The following KCNK13 variants were observed in gnomAD, a reference collection of about 807,000 sequenced individuals.
The protein encoded by KCNK13 is potassium channel subfamily K member 13.
In KCNK13, 12 loss-of-function variants were observed where a neutral mutation model predicts 23.4. The ratio of observed to expected loss-of-function variants is 0.51; its 90% CI spans 0.33 to 0.83. The LOEUF is 0.83. Ranked by LOEUF, KCNK13 falls within the 40% of genes least tolerant of loss-of-function variation. The pLI is 0.02. For missense variants in KCNK13, 463 were observed against 556.3 expected, an observed-to-expected ratio of 0.83 and a Z score of 1.69; for synonymous variants, 231 against 229.5, an observed-to-expected ratio of 1.01 and a Z score of -0.06.
At chr14:90,068,670 G>A (rs1200880700) in intron 1 of KCNK13, among the ~76,000 whole-genome samples, 1 of 152,190 alleles carries the variant, frequency 6.6e-6, no homozygotes, top group Non-Finnish European at 1.5e-5. Context: ...CAAAGTCTGT[G>A]CTTTAATAAG....
chr14:90,154,915 A>G (rs1221442307), intron 1 of KCNK13, among the ~76,000 whole-genome samples: 1 of 152,246 alleles, frequency 6.6e-6, no homozygotes, highest in Non-Finnish European at 1.5e-5. Context: ...GTATGTACAA[A>G]TGAAAATAAT....
intron 1 of KCNK13, among the ~76,000 whole-genome samples, chr14:90,083,102 T>A (rs1239410953): frequency 1.3e-5 from 2 of 152,248 alleles, no homozygotes; most frequent in African/African-American, 4.8e-5. Flanking sequence ...CATCTTTTAA[T>A]TGGGTTATTT....
chr14:90,093,410 C>G (rs1889372438), intron 1 of KCNK13, among the ~76,000 whole-genome samples: 1 of 152,172 alleles, frequency 6.6e-6, no homozygotes, highest in South Asian at 2.1e-4. Context: ...AGTCCCATTT[C>G]CACTTGATTT....
At chr14:90,140,035 G>A (rs1346885750) in intron 1 of KCNK13, among the ~76,000 whole-genome samples, 1 of 152,142 alleles carries the variant, frequency 6.6e-6, no homozygotes, top group Non-Finnish European at 1.5e-5. Flanking sequence ...TTCGACTGTG[G>A]GGTGACTGTG....
intron 1 of KCNK13, among the ~76,000 whole-genome samples, chr14:90,100,356 A>G (rs1889460553): frequency 6.6e-6 from 1 of 152,172 alleles, no homozygotes; most frequent in South Asian, 2.1e-4. Flanking sequence ...TGCTGGCCCT[A>G]ATGACATCTA....
intron 1 of KCNK13, among the ~76,000 whole-genome samples, chr14:90,094,830 G>A (rs1357460417): frequency 1.3e-5 from 2 of 151,862 alleles, no homozygotes; most frequent in Non-Finnish European, 2.9e-5. Flanking sequence ...TGTATTATTA[G>A]TAGAGACGGG....
At chr14:90,183,494 C>T (rs1890510850) in intron 1 of KCNK13, among the ~76,000 whole-genome samples, 1 of 152,158 alleles carries the variant, frequency 6.6e-6, no homozygotes, top group African/African-American at 2.4e-5. Flanking sequence ...CTTTTCTAAG[C>T]CCCACTTCTT....
intron 1 of KCNK13, among the ~76,000 whole-genome samples, chr14:90,114,382 C>T (rs1286546456): frequency 6.6e-6 from 1 of 152,200 alleles, no homozygotes; most frequent in Non-Finnish European, 1.5e-5. Context: ...TTAACAACTA[C>T]TGACATCTCG....
chr14:90,158,368 T>C (rs1424413922), intron 1 of KCNK13, among the ~76,000 whole-genome samples: 3 of 152,236 alleles, frequency 2.0e-5, no homozygotes, highest in Admixed American at 2.0e-4. Flanking sequence ...ATTATTCGTT[T>C]ATTATCTGTC....
chr14:90,129,003 T>C (rs1035705782), intron 1 of KCNK13, among the ~76,000 whole-genome samples: 3 of 152,152 alleles, frequency 2.0e-5, no homozygotes, highest in Non-Finnish European at 4.4e-5. Context: ...ATTATCATTC[T>C]TTTGTTTTTT....
chr14:90,185,596 G>A lies in KCNK13; in HGVS notation c.*593G>A, dbSNP rs1160545765. ...TTCTTTTTATTTTTAAGGCCTTAAT[G>A]CCTGGCTGTGGCGTCTGTGAGACCT... On this transcript the variant is annotated 3_prime_UTR_variant, in exon 2 of 2. Transcript: ENST00000282146. 1 of 152,120 alleles carries A rather than the reference G, an allele frequency of 6.6e-6. No homozygotes were observed. Among genetic ancestry groups the A allele is most frequent in the Non-Finnish European group, 1.5e-5 (1 of 68,072 alleles). The allele number at this position is 152,120 out of a possible 1,614,324, so 9.4% of individuals were successfully genotyped here.
chr14:90,093,465 C>G (rs1889372861), intron 1 of KCNK13, among the ~76,000 whole-genome samples: 1 of 152,168 alleles, frequency 6.6e-6, no homozygotes, highest in Non-Finnish European at 1.5e-5. Context: ...GTTACTATTG[C>G]CCTGATTTCT....
intron 1 of KCNK13, among the ~76,000 whole-genome samples, chr14:90,128,748 G>A (rs967479419): frequency 5.3e-5 from 8 of 151,992 alleles, no homozygotes; most frequent in East Asian, 1.9e-4. Context: ...AGCATTCTCC[G>A]AATTGAGCAA....
chr14:90,066,785 T>A (rs1889014698), intron 1 of KCNK13, among the ~76,000 whole-genome samples: 1 of 152,186 alleles, frequency 6.6e-6, no homozygotes, highest in South Asian at 2.1e-4. Flanking sequence ...AACTACTTTA[T>A]GACCCAGCAA....
intron 1 of KCNK13, among the ~76,000 whole-genome samples, chr14:90,080,936 G>C (rs1390229376): frequency 6.6e-6 from 1 of 152,198 alleles, no homozygotes; most frequent in African/African-American, 2.4e-5. Flanking sequence ...CACCACCCCT[G>C]ACAGTGTGCC....
chr14:90,094,711 G>A (rs184295024), intron 1 of KCNK13, among the ~76,000 whole-genome samples: 4 of 141,666 alleles, frequency 2.8e-5, no homozygotes, highest in Non-Finnish European at 6.0e-5. Context: ...GCAGTGGCGC[G>A]ATCTCGGCTC....
Position 90,144,240 on chromosome 14 carries a change from G to T in KCNK13, c.335-39871G>T, listed in dbSNP as rs1030482750. On this transcript the variant is annotated intron_variant, in intron 1 of 1. Coordinates refer to ENST00000282146, the MANE Select transcript of KCNK13 (RefSeq NM_022054.4). ...TTTAAGTTTCTCTCAGTAATGTTTT[G>T]TAGTTTTCAGTGTACTGGTCTTGTA... is the stretch of plus-strand genomic sequence containing the variant. Among the ~76,000 whole-genome samples, 4 of 152,156 alleles carry T rather than the reference G, an allele frequency of 2.6e-5. No individual in the cohort carries two copies. In the South Asian group the frequency reaches 8.3e-4, roughly 32 times the overall value.
chr14:90,106,314 C>T (rs1490080737), intron 1 of KCNK13, among the ~76,000 whole-genome samples: 12 of 152,172 alleles, frequency 7.9e-5, no homozygotes, highest in Non-Finnish European at 2.9e-5. Context: ...GTGGCTCACA[C>T]GTGTAATACC....
In KCNK13 at chr14:90,184,621, T is replaced by C. The variant is rs1352614462; in HGVS notation, c.845T>C (p.Leu282Pro). ...IYSLFNVISI[L>P]IKQSLNWILR... The stretch of plus-strand genomic sequence containing the variant: ...TCCTTGTTCAATGTCATCTCTATCC[T>C]CATCAAACAGTCCTTGAACTGGATC... The change falls in exon 2 of 2, where the codon CTC becomes CCC. Residue 282 changes from leucine (L) to proline (P), a missense_variant. Coordinates refer to ENST00000282146, the MANE Select transcript of KCNK13 (RefSeq NM_022054.4). The surrounding 1 kb of genome is among the most constrained non-coding windows in gnomAD (Gnocchi z 5.6). 6.2e-7 allele frequency: 1 copy of C among 1,614,226 alleles called. No homozygotes were observed. Among genetic ancestry groups the C allele is most frequent in the Admixed American group, 1.7e-5 (1 of 60,032 alleles).
Sources: allele counts gnomAD v4.1 joint callset (sites outside exome capture counted in the v4.1 genomes callset), GRCh38; gene constraint gnomAD v4.1.1; non-coding constraint Gnocchi (gnomAD v3.1); transcripts MANE v1.5; gene names NCBI Gene and HGNC (gene_info 2026-07-23, HGNC 2026-07-21).